CDH13: variants seen among roughly 807,000 people sequenced by gnomAD.
CDH13 encodes the protein cadherin 13.
Under a neutral mutation model 63.8 loss-of-function variants are expected in CDH13, and 24 were observed. That is an observed-to-expected ratio of 0.38 (90% CI 0.27 to 0.53). The LOEUF is 0.53. Ranked by LOEUF, CDH13 falls within the 20% of genes least tolerant of loss-of-function variation. The pLI is 0.85. For missense variants in CDH13, 1,049 were observed against 903.1 expected (o/e 1.16, Z -2.07); for synonymous variants, 503 against 355.3 (o/e 1.42, Z -4.67).
intron 1 of CDH13, among the ~76,000 whole-genome samples, chr16:82,790,723 C>T (rs2036258402): frequency 6.6e-6 from 1 of 152,154 alleles, no homozygotes; most frequent in African/African-American, 2.4e-5. Context: ...TGGCAGAAGG[C>T]AGCCATGATT....
At chr16:83,409,182 G>A (rs938734887) in intron 6 of CDH13, among the ~76,000 whole-genome samples, 1 of 152,098 alleles carries the variant, frequency 6.6e-6, no homozygotes, top group Non-Finnish European at 1.5e-5. Flanking sequence ...AGAGACTGGA[G>A]CATCGTCCCA....
At chr16:83,534,928 T>A (rs2075154780) in intron 7 of CDH13, among the ~76,000 whole-genome samples, 1 of 152,256 alleles carries the variant, frequency 6.6e-6, no homozygotes, top group Admixed American at 6.5e-5. Flanking sequence ...AATGTCAATG[T>A]CTAGGACAAT....
chr16:83,447,565 G>A (rs2072747373), intron 6 of CDH13, among the ~76,000 whole-genome samples: 1 of 152,090 alleles, frequency 6.6e-6, no homozygotes, highest in Non-Finnish European at 1.5e-5. Context: ...GGGCGGGGCA[G>A]ATGATACCAG....
At chr16:83,689,850 T>A (rs1904670976) in intron 10 of CDH13, among the ~76,000 whole-genome samples, 1 of 152,196 alleles carries the variant, frequency 6.6e-6, no homozygotes, top group Admixed American at 6.5e-5. Context: ...TACTGGGTGC[T>A]TTTCTAGGCA....
At chr16:83,397,749 C>T (rs961845689) in intron 6 of CDH13, among the ~76,000 whole-genome samples, 5 of 152,302 alleles carry the variant, frequency 3.3e-5, no homozygotes, top group African/African-American at 1.2e-4. Context: ...TGTCCTGTTT[C>T]TCCCAGGACT....
At chr16:82,999,691 C>G (rs115918478) in intron 2 of CDH13, among the ~76,000 whole-genome samples, 1 of 152,124 alleles carries the variant, frequency 6.6e-6, no homozygotes, top group Non-Finnish European at 1.5e-5. Context: ...AAACAAATGA[C>G]ATGTTTAAAA....
At chr16:83,106,288 C>T (rs954493823) in intron 3 of CDH13, among the ~76,000 whole-genome samples, 1 of 152,126 alleles carries the variant, frequency 6.6e-6, no homozygotes, top group Non-Finnish European at 1.5e-5. Context: ...GCCTGTAATC[C>T]CAGCACTTTG....
chr16:83,664,878 C>G (rs1360143678), intron 8 of CDH13, among the ~76,000 whole-genome samples: 1 of 152,190 alleles, frequency 6.6e-6, no homozygotes, highest in African/African-American at 2.4e-5. Flanking sequence ...TGTAGATGTA[C>G]AGTACCTACA....
At chr16:82,851,439 AAAAAATAAAAAGAAAAAG>A (rs1320065467) in intron 1 of CDH13, among the ~76,000 whole-genome samples, 1 of 110,900 alleles carries the variant, frequency 9.0e-6, no homozygotes, top group Non-Finnish European at 2.0e-5. Context: ...CGTCTCAAAA[AAAAAATAAAAAGAAAAAG>A]AAAAAGAAAA....
intron 2 of CDH13, among the ~76,000 whole-genome samples, chr16:83,018,180 T>C (rs1914992726): frequency 1.3e-5 from 2 of 152,180 alleles, no homozygotes; most frequent in African/African-American, 4.8e-5. Flanking sequence ...GCTTATCTCA[T>C]TTTGCCTCTG....
At chr16:82,729,949 C>G (rs139307737) in intron 1 of CDH13, among the ~76,000 whole-genome samples, 1 of 152,134 alleles carries the variant, frequency 6.6e-6, no homozygotes, top group African/African-American at 2.4e-5. Flanking sequence ...CCTCATGAAC[C>G]AAACTCTGCT....
intron 6 of CDH13, among the ~76,000 whole-genome samples, chr16:83,426,513 A>C (rs1490207427): frequency 1.2e-5 from 1 of 80,326 alleles, no homozygotes; most frequent in Non-Finnish European, 2.7e-5. Context: ...AAACAATCAC[A>C]CACACACACA....
chr16:83,373,381 G>A (rs937488802), intron 6 of CDH13, among the ~76,000 whole-genome samples: 1 of 152,124 alleles, frequency 6.6e-6, no homozygotes, highest in Admixed American at 6.5e-5. Flanking sequence ...GATCTAGAAG[G>A]CTCCCAGGCA....
At chr16:82,957,759 C>T (rs142054588) in intron 2 of CDH13, among the ~76,000 whole-genome samples, 1 of 152,164 alleles carries the variant, frequency 6.6e-6, no homozygotes, top group African/African-American at 2.4e-5. Context: ...GGGATAATAT[C>T]TAGAAATTAC....
chr16:83,079,739 A>G (rs188710060), intron 3 of CDH13, among the ~76,000 whole-genome samples: 75 of 152,368 alleles, frequency 4.9e-4, no homozygotes, highest in African/African-American at 1.7e-3. Flanking sequence ...TAAACATACC[A>G]TGAGGATTTT....
At chr16:83,036,908 G>T (rs1277869485) in intron 3 of CDH13, among the ~76,000 whole-genome samples, 1 of 152,168 alleles carries the variant, frequency 6.6e-6, no homozygotes, top group South Asian at 2.1e-4. Flanking sequence ...TTCTTGGCCA[G>T]AGGAAGCTGG....
At chr16:83,231,577 G>T (rs766087989) in intron 5 of CDH13, among the ~76,000 whole-genome samples, 29 of 152,164 alleles carry the variant, frequency 1.9e-4, no homozygotes, top group African/African-American at 7.0e-4. Context: ...TACATTAGAA[G>T]TAGGGGGTCT....
chr16:83,056,846 G>T (rs374401214), intron 3 of CDH13, among the ~76,000 whole-genome samples: 2 of 152,118 alleles, frequency 1.3e-5, no homozygotes, highest in Non-Finnish European at 2.9e-5. Context: ...CCCTACACAC[G>T]CTCTCTTGCC....
chr16:83,286,683 G>A (rs1597666707), intron 5 of CDH13, among the ~76,000 whole-genome samples: 1 of 151,260 alleles, frequency 6.6e-6, no homozygotes, highest in South Asian at 2.1e-4. Flanking sequence ...CTGAACCTGG[G>A]AGGTGGAGGT....
Sources: gnomAD v4.1 joint callset for allele counts (sites outside exome capture counted in the v4.1 genomes callset) on GRCh38, gnomAD v4.1.1 for gene constraint, MANE v1.5 for transcripts, NCBI Gene and HGNC (gene_info 2026-07-23, HGNC 2026-07-21) for gene names.